Variants in EIF6 observed in about 807,000 individuals in gnomAD.
EIF6 encodes eukaryotic translation initiation factor 6, also known as B4 integrin interactor.
EIF6 carries 10 observed loss-of-function variants against 25.5 expected under a neutral mutation model. The observed-to-expected ratio is 0.39, with a 90% CI of 0.24 to 0.66. The LOEUF (loss-of-function observed/expected upper bound fraction) is 0.66. EIF6 is among the 30% of genes least tolerant of loss of function. The pLI is 0.45. For synonymous variants in EIF6, 122 were observed against 122.6 expected (o/e 1.00, Z 0.03); for missense variants, 246 against 315.4 (o/e 0.78, Z 1.67).
In EIF6 at chr20:35,280,112, C is replaced by T; in HGVS notation, c.376G>A (p.Glu126Lys). Residue 126 changes from glutamate (E) to lysine (K), a missense_variant, in exon 5 of 7, where the codon GAA becomes AAA. Transcript: ENST00000374450. ...TTGAGCACATCTGCCAGAATTTCTT[C>T]TGTCTCCTGTCAATCAAAGATATTG... is the stretch of plus-strand genomic sequence containing the variant. ...LVHPDLDRET[E>K]EILADVLKVE... The T allele has an allele frequency of 6.2e-7, 1 of 1,614,030 alleles. No homozygotes were observed. Among genetic ancestry groups the T allele is most frequent in the South Asian group, 1.1e-5 (1 of 91,076 alleles).
In EIF6 at chr20:35,279,987, A is replaced by C. The variant is rs1161650340; in HGVS notation, c.501T>G (p.Ile167Met). The C allele has an allele frequency of 6.2e-7, 1 of 1,614,226 alleles. No homozygotes were observed. The highest frequency in any genetic ancestry group is 1.3e-5 in the African/African-American group (1 of 75,062). Residue 167 changes from isoleucine (I) to methionine (M), a missense_variant, in exon 5 of 7, where the codon ATT (isoleucine) becomes ATG (methionine). Transcript: ENST00000374450. ...QGGLVHPKTS[I>M]EDQDELSSLL... The stretch of plus-strand genomic sequence containing the variant: ...GAGAGGACAGCTCATCCTGGTCTTC[A>C]ATTGAAGTCTTGGGATGCACCAGCC...
chr20:35,284,349 C>T (rs774680617), intron 2 of EIF6, 32 bp downstream of exon 2: 1 of 1,613,806 alleles, frequency 6.2e-7, no homozygotes, highest in Non-Finnish European at 8.5e-7. Flanking sequence ...CACGCCTCCC[C>T]GCCACCGTAA....
chr20:35,284,392 C>A lies in EIF6; in HGVS notation c.96G>T (p.Glu32Asp). ...TYCLVAIGGSENFYSVFEGEL... is the reference protein window; with the variant it reads ...TYCLVAIGGSDNFYSVFEGEL... ...GGCTCCCGCCGCACCTGTAGAAGTT[C>A]TCTGAGCCTCCGATCGCTACCAGAC... Residue 32 changes from glutamate to aspartate, a missense_variant, in exon 2 of 7, where the codon GAG (glutamate) becomes GAT (aspartate). Coordinates refer to ENST00000374450, the MANE Select transcript of EIF6 (RefSeq NM_002212.4). 2 of 1,613,972 alleles carry A rather than the reference C, an allele frequency of 1.2e-6. No individual in the cohort carries two copies. Among genetic ancestry groups the A allele is most frequent in the Non-Finnish European group, 1.7e-6 (2 of 1,179,970 alleles).
intron 3 of EIF6, among the ~76,000 whole-genome samples, chr20:35,281,176 C>T (rs1043191271): frequency 5.3e-5 from 8 of 151,980 alleles, no homozygotes; most frequent in African/African-American, 1.7e-4. Context: ...GTCAGGAGAT[C>T]GAGATCGAGA....
chr20:35,279,120 G>C lies in EIF6; in HGVS notation c.*77C>G. ...TCTGCCACCTCCCTGCCAGCATCCG[G>C]TACAGATTGGGCGGAATGTGGAGAA... On this transcript the variant is annotated 3_prime_UTR_variant, in exon 7 of 7. Coordinates refer to ENST00000374450, the MANE Select transcript of EIF6 (RefSeq NM_002212.4). The C allele has an allele frequency of 1.3e-6, 2 of 1,595,170 alleles. No homozygotes were observed. The highest frequency in any genetic ancestry group is 1.7e-6 in the Non-Finnish European group (2 of 1,163,826).
intron 3 of EIF6, among the ~76,000 whole-genome samples, chr20:35,281,943 T>C (rs975447076): frequency 2.6e-5 from 4 of 151,904 alleles, no homozygotes; most frequent in South Asian, 4.2e-4. Flanking sequence ...ATATACCCAG[T>C]AGAAATATGT....
Position 35,282,357 on chromosome 20 carries a change from C to T in EIF6, c.194-1528G>A, listed in dbSNP as rs575353351. Among the ~76,000 whole-genome samples the T allele has an allele frequency of 2.0e-5, 3 of 152,276 alleles. No individual in the cohort carries two copies. In the South Asian group the frequency reaches 6.2e-4, roughly 32 times the overall value. Reference sequence around the variant, plus strand: ...GCACTGTCGATGGAATGGATGAATACGTTGTGATATACTTACACAAAACAC... The same window carrying T: ...GCACTGTCGATGGAATGGATGAATATGTTGTGATATACTTACACAAAACAC... On this transcript the variant is annotated intron_variant, in intron 3 of 6. Coordinates refer to ENST00000374450, the MANE Select transcript of EIF6 (RefSeq NM_002212.4).
At chr20:35,281,906 G>A (rs910350222) in intron 3 of EIF6, among the ~76,000 whole-genome samples, 1 of 151,846 alleles carries the variant, frequency 6.6e-6, no homozygotes, top group Non-Finnish European at 1.5e-5. Flanking sequence ...CATAACCTGT[G>A]ACTCTGCCAT....
chr20:35,284,266 A>G lies in EIF6; in HGVS notation c.108-5T>C. 6.2e-7 allele frequency: 1 copy of G among 1,613,698 alleles called. No individual in the cohort carries two copies. On this transcript the variant is annotated splice_polypyrimidine_tract_variant and splice_region_variant and intron_variant, in intron 2 of 6. Transcript: ENST00000374450. ...GAGAGCTCGCCCTCGAACACACTGT[A>G]GGGACATGGACTCGGTGGTGGCGGG...
intron 3 of EIF6, among the ~76,000 whole-genome samples, chr20:35,282,770 C>T (rs774041712): frequency 2.6e-5 from 4 of 151,902 alleles, no homozygotes; most frequent in Non-Finnish European, 4.4e-5. Context: ...CCACCACACC[C>T]GGCTAATTTC....
intron 4 of EIF6, 132 bp downstream of exon 4, chr20:35,280,522 T>C: frequency 9.4e-7 from 1 of 1,068,288 alleles, no homozygotes; most frequent in South Asian, 1.6e-5. Context: ...TTCCAATGAG[T>C]ACCTGAAACT....
chr20:35,281,672 C>T (rs879385925), intron 3 of EIF6, among the ~76,000 whole-genome samples: 85 of 151,918 alleles, frequency 5.6e-4, no homozygotes, highest in Non-Finnish European at 1.1e-3. Flanking sequence ...TCTCGAACTC[C>T]TAACCTCAGG....
Position 35,279,550 on chromosome 20 carries a change from G to T in EIF6, c.728+16C>A. 1 of 1,612,926 alleles carries T rather than the reference G, an allele frequency of 6.2e-7. No individual in the cohort carries two copies. Among genetic ancestry groups the T allele is most frequent in the South Asian group, 1.1e-5 (1 of 91,040 alleles). ...ACCCCCAACCCTGAGCAGAAGAAAG[G>T]AGAGGCCCCAGGTACCTGTCAATGA... On this transcript the variant is annotated intron_variant, in intron 6 of 6. Coordinates refer to ENST00000374450, the MANE Select transcript of EIF6 (RefSeq NM_002212.4).
At position 35,279,073 on chromosome 20, in the gene EIF6, GC is replaced by G; in HGVS notation, c.*123del. The G allele has an allele frequency of 1.6e-6, 2 of 1,266,950 alleles. No homozygotes were observed. Among genetic ancestry groups the G allele is most frequent in the Admixed American group, 1.9e-5 (1 of 53,890 alleles). The allele number at this position is 1,266,950 out of a possible 1,614,324, so 78.5% of individuals were successfully genotyped here. ...CAGGTGGAAAAGGGTTGGGTGCCCA[GC>G]CCCTCAGTCCCAGTGAGCTCTCTGC... is the stretch of plus-strand genomic sequence containing the variant. On this transcript the variant is annotated 3_prime_UTR_variant, in exon 7 of 7. Coordinates refer to ENST00000374450, the MANE Select transcript of EIF6 (RefSeq NM_002212.4).
intron 3 of EIF6, 69 bp from the exon 4 acceptor site, chr20:35,280,898 C>T (rs1353778487): frequency 3.9e-6 from 6 of 1,549,994 alleles, no homozygotes; most frequent in Middle Eastern, 1.8e-4. Flanking sequence ...GAGGATACCA[C>T]TCAGCCCAGC....
In EIF6 at chr20:35,282,883, A is replaced by G. The variant is rs150435259; in HGVS notation, c.193+1293T>C. Reference sequence around the variant, plus strand: ...CCTCGACCTCCCAAGCAGGCTTAAGATTTTTAAAAATTAAAGTAAAAGTAA... The same window carrying G: ...CCTCGACCTCCCAAGCAGGCTTAAGGTTTTTAAAAATTAAAGTAAAAGTAA... On this transcript the variant is annotated intron_variant, in intron 3 of 6. Coordinates refer to ENST00000374450, the MANE Select transcript of EIF6 (RefSeq NM_002212.4). Among the ~76,000 whole-genome samples, 8 of 152,146 alleles carry G rather than the reference A, an allele frequency of 5.3e-5. No individual in the cohort carries two copies. In the East Asian group the frequency reaches 1.6e-3, roughly 30 times the overall value.
intron 3 of EIF6, among the ~76,000 whole-genome samples, chr20:35,282,014 A>C (rs2146263598): frequency 7.0e-6 from 1 of 142,568 alleles, no homozygotes; most frequent in East Asian, 2.0e-4. Flanking sequence ...TTTGAGACGG[A>C]GTCTTGTTCT....
chr20:35,279,977 CCTG>C lies in EIF6; in HGVS notation c.508_510del (p.Gln170del). 1 of 1,614,214 alleles carries C rather than the reference CCTG, an allele frequency of 6.2e-7. No individual in the cohort carries two copies. Among genetic ancestry groups the C allele is most frequent in the Non-Finnish European group, 8.5e-7 (1 of 1,180,032 alleles). ...ACTTGAAGAAGAGAGGACAGCTCAT[CCTG>C]GTCTTCAATTGAAGTCTTGGGATGC... On this transcript the variant is annotated inframe_deletion, in exon 5 of 7. Transcript: ENST00000374450.
chr20:35,284,730 T>C lies in EIF6; in HGVS notation c.-10A>G, dbSNP rs983045476. The C allele has an allele frequency of 2.5e-5, 14 of 554,976 alleles. No individual in the cohort carries two copies. Among genetic ancestry groups the C allele is most frequent in the Admixed American group, 1.3e-4 (4 of 31,418 alleles). 34.4% of individuals were successfully genotyped at this position (554,976 alleles called of 1,614,324 possible). A position where few individuals can be genotyped will look rare whatever the true frequency, so the allele number is the denominator to read the frequency against. ...GTTCCCCTCACACCAGCTTACCAAG[T>C]AACCAGTAACAAGCTCCGCACGCGG... On this transcript the variant is annotated 5_prime_UTR_variant, in exon 1 of 7. Transcript: ENST00000374450.
Sources: gnomAD v4.1 joint callset for allele counts (sites outside exome capture counted in the v4.1 genomes callset) on GRCh38, gnomAD v4.1.1 for gene constraint, MANE v1.5 for transcripts, NCBI Gene and HGNC (gene_info 2026-07-23, HGNC 2026-07-21) for gene names.